Variants in RBBP4 observed in about 807,000 individuals in gnomAD.
RBBP4 encodes RB binding protein 4, chromatin remodeling factor.
In RBBP4, 3 loss-of-function variants were observed where a neutral mutation model predicts 57.2. That is an observed-to-expected ratio of 0.05 (90% CI 0.02 to 0.14). The LOEUF is 0.14. Ranked by LOEUF, RBBP4 falls within the 10% of genes least tolerant of loss-of-function variation. The pLI is 1.00. For missense variants in RBBP4, 107 were observed against 520.6 expected (o/e 0.21, Z 7.73); for synonymous variants, 151 against 171.5 (o/e 0.88, Z 0.93).
At chr1:32,676,257 TAGC>T (rs1649097047) in intron 11 of RBBP4, among the ~76,000 whole-genome samples, 1 of 152,168 alleles carries the variant, frequency 6.6e-6, no homozygotes, top group African/African-American at 2.4e-5. Flanking sequence ...GACTGAAGAA[TAGC>T]ATAATGGTAT....
At chr1:32,655,385 CT>C (rs1283974395) in intron 2 of RBBP4, among the ~76,000 whole-genome samples, 2 of 149,332 alleles carry the variant, frequency 1.3e-5, no homozygotes, top group Non-Finnish European at 1.5e-5. Context: ...CGTTTCCCCC[CT>C]TTAAAAAGAA....
intron 8 of RBBP4, among the ~76,000 whole-genome samples, chr1:32,672,128 T>C (rs1648905004): frequency 6.6e-6 from 1 of 151,998 alleles, no homozygotes; most frequent in South Asian, 2.1e-4. Context: ...TAGCTGGGAT[T>C]ACAGGCGCCT....
chr1:32,654,961 C>T (rs1444037718), intron 2 of RBBP4, among the ~76,000 whole-genome samples: 1 of 152,166 alleles, frequency 6.6e-6, no homozygotes, highest in Non-Finnish European at 1.5e-5. Flanking sequence ...TCCCAAAGTG[C>T]TGGGATTACA....
rs192629454 is a variant in RBBP4 at position 32,678,397 on chromosome 1, T to G, written c.1213-1243T>G. Among the ~76,000 whole-genome samples, 14 of 151,922 alleles carry G rather than the reference T, an allele frequency of 9.2e-5. No homozygotes were observed. In the East Asian group the frequency reaches 2.7e-3, roughly 29 times the overall value. On this transcript the variant is annotated intron_variant, in intron 11 of 11. Transcript: ENST00000373493. ...GCCTGTCACCACGCCTGGCTAATTTTTATATTTTTAGTAGAGACAGCGTTT... is the reference window on the plus strand; with the variant it reads ...GCCTGTCACCACGCCTGGCTAATTTGTATATTTTTAGTAGAGACAGCGTTT...
At chr1:32,655,273 G>A (rs1329699674) in intron 2 of RBBP4, among the ~76,000 whole-genome samples, 1 of 152,148 alleles carries the variant, frequency 6.6e-6, no homozygotes, top group Non-Finnish European at 1.5e-5. Flanking sequence ...CACCGTGCCT[G>A]GCCCTGTTTT....
intron 2 of RBBP4, among the ~76,000 whole-genome samples, chr1:32,657,168 C>T (rs1011327842): frequency 3.3e-5 from 5 of 151,930 alleles, no homozygotes; most frequent in African/African-American, 7.3e-5. Flanking sequence ...CCCAGCTACT[C>T]GGGAGGCTGA....
intron 8 of RBBP4, 91 bp from the exon 9 acceptor site, chr1:32,672,359 A>G (rs1648915670): frequency 1.9e-6 from 2 of 1,033,558 alleles, no homozygotes; most frequent in Non-Finnish European, 2.8e-6. Context: ...CCTTTTATTT[A>G]CAAAATTTTT....
At chr1:32,656,611 C>G (rs983792685) in intron 2 of RBBP4, among the ~76,000 whole-genome samples, 3 of 152,172 alleles carry the variant, frequency 2.0e-5, no homozygotes, top group Non-Finnish European at 4.4e-5. Flanking sequence ...TTCGGCCTCC[C>G]AAAGTGCTGG....
chr1:32,679,641 C>A lies in RBBP4; in HGVS notation c.1214C>A (p.Ala405Glu). 1 of 1,572,380 alleles carries A rather than the reference C, an allele frequency of 6.4e-7. No individual in the cohort carries two copies. Among genetic ancestry groups the A allele is most frequent in the Non-Finnish European group, 8.6e-7 (1 of 1,166,550 alleles). The stretch of plus-strand genomic sequence containing the variant: ...ATTCTTTTTCTTGTTTTTGGGCAGG[C>A]AGAGAACATTTATAATGATGAAGAC... ...EDNIMQVWQM[A>E]ENIYNDEDPE... Residue 405 changes from alanine to glutamate, a missense_variant and splice_region_variant, in exon 12 of 12, where the codon GCA becomes GAA. Transcript: ENST00000373493.
At chr1:32,661,974 C>G (rs1287849787) in intron 3 of RBBP4, among the ~76,000 whole-genome samples, 1 of 130,770 alleles carries the variant, frequency 7.6e-6, no homozygotes, top group Non-Finnish European at 1.6e-5. Flanking sequence ...CAACTTCCGC[C>G]TCTTGGGTTC....
rs767011909 is a variant in RBBP4 at position 32,681,830 on chromosome 1, A to G, written c.*2125A>G. The G allele has an allele frequency of 5.0e-6, 8 of 1,614,078 alleles. No individual in the cohort carries two copies. The highest frequency in any genetic ancestry group is 2.2e-5 in the East Asian group (1 of 44,884). The stretch of plus-strand genomic sequence containing the variant: ...AGAAGTTTTTTGCTGTTTCCGGGTT[A>G]CAGATTTGGCCATATATTTCTAAAC... On this transcript the variant is annotated 3_prime_UTR_variant, in exon 12 of 12. Transcript: ENST00000373493.
At chr1:32,672,391 A>G (rs1308581653) in intron 8 of RBBP4, 59 bp from the exon 9 acceptor site, 2 of 1,353,880 alleles carry the variant, frequency 1.5e-6, no homozygotes, top group Non-Finnish European at 2.0e-6. Flanking sequence ...TATTTTGTGA[A>G]TTTTTTCCCT....
At position 32,678,780 on chromosome 1, in the gene RBBP4, C is replaced by G. The variant is rs150038476; in HGVS notation, c.1213-860C>G. 5.1e-3 allele frequency among the ~76,000 whole-genome samples: 770 copies of G among 150,988 alleles called. 7 individuals carry two copies. Among genetic ancestry groups the G allele is most frequent in the East Asian group, 0.034 (171 of 5,068 alleles). On this transcript the variant is annotated intron_variant, in intron 11 of 11. Coordinates refer to ENST00000373493, the MANE Select transcript of RBBP4 (RefSeq NM_005610.3). ...GATTTTTGTATTTGTAGTAGAGATG[C>G]AGTTTCGCCTTGTTGGTCAGGCTAG...
intron 11 of RBBP4, 46 bp downstream of exon 11, chr1:32,672,947 A>C (rs760291368): frequency 5.0e-6 from 7 of 1,400,382 alleles, no homozygotes; most frequent in Admixed American, 3.5e-5. Flanking sequence ...TAAGTGAGAC[A>C]TAGAATCAAT....
At chr1:32,671,694 C>T (rs1570863441) in intron 8 of RBBP4, among the ~76,000 whole-genome samples, 1 of 147,600 alleles carries the variant, frequency 6.8e-6, no homozygotes, top group Non-Finnish European at 1.5e-5. Flanking sequence ...GGCCTCATCT[C>T]TTTTTTTTTT....
In RBBP4 at chr1:32,672,444, G is replaced by A. The variant is rs1648919895; in HGVS notation, c.967-6G>A. The A allele has an allele frequency of 1.3e-6, 2 of 1,586,692 alleles. No individual in the cohort carries two copies. Among genetic ancestry groups the A allele is most frequent in the East Asian group, 2.2e-5 (1 of 44,566 alleles). ...GCTTTGCTCTTTTCTTCATTCCTAT[G>A]TGTAGGTTCAGTGGTCACCTCACAA... On this transcript the variant is annotated splice_region_variant and splice_polypyrimidine_tract_variant and intron_variant, in intron 8 of 11. Transcript: ENST00000373493.
intron 3 of RBBP4, among the ~76,000 whole-genome samples, chr1:32,661,959 C>G: frequency 7.8e-6 from 1 of 128,542 alleles, no homozygotes; most frequent in South Asian, 2.7e-4. Flanking sequence ...AATCTCGGCT[C>G]ACTGCAACTT....
At chr1:32,660,113 T>C (rs1437458371) in intron 3 of RBBP4, among the ~76,000 whole-genome samples, 3 of 152,204 alleles carry the variant, frequency 2.0e-5, no homozygotes, top group Non-Finnish European at 2.9e-5. Context: ...ATCTCCTGTT[T>C]ATTTATGTTT....
Position 32,684,573 on chromosome 1 carries a change from GAAAATGATGACGA to G in RBBP4, c.*4873_*4885del, listed in dbSNP as rs1649687445. Reference sequence around the variant, plus strand: ...TTGGAAAAAAAGTGACAATGCTTTTGAAAATGATGACGAAAAAGGCATCTTGTCTGTTAACCAC... The same window carrying G: ...TTGGAAAAAAAGTGACAATGCTTTTGAAAAGGCATCTTGTCTGTTAACCAC... On this transcript the variant is annotated 3_prime_UTR_variant, in exon 12 of 12. Transcript: ENST00000373493. The G allele has an allele frequency of 9.0e-6, 7 of 778,056 alleles. No individual in the cohort carries two copies. Among genetic ancestry groups the G allele is most frequent in the Non-Finnish European group, 1.2e-5 (6 of 511,290 alleles). The allele number at this position is 778,056 out of a possible 1,614,324, so 48.2% of individuals were successfully genotyped here.
Sources: allele counts gnomAD v4.1 joint callset (sites outside exome capture counted in the v4.1 genomes callset), GRCh38; gene constraint gnomAD v4.1.1; transcripts MANE v1.5; gene names NCBI Gene and HGNC (gene_info 2026-07-23, HGNC 2026-07-21).